Variants in MTG1 observed in about 807,000 individuals in gnomAD.
MTG1 encodes mitochondrial ribosome associated GTPase 1.
In MTG1, 30 loss-of-function variants were observed where a neutral mutation model predicts 39.5. That is an observed-to-expected ratio of 0.76 (90% CI 0.57 to 1.03). The LOEUF (loss-of-function observed/expected upper bound fraction) is 1.03. Ranked by LOEUF, MTG1 falls within the 50% of genes least tolerant of loss-of-function variation. The pLI, the probability that MTG1 is intolerant of heterozygous loss-of-function variation, is 0.00. For missense variants in MTG1, 513 were observed against 447.4 expected (o/e 1.15, Z -1.32); for synonymous variants, 217 against 179.0 (o/e 1.21, Z -1.69).
rs1052770893 is a variant in MTG1, at chr10:133,394,179, G to C, written c.-42G>C. The C allele has an allele frequency of 6.9e-7, 1 of 1,440,296 alleles. No homozygotes were observed. Among genetic ancestry groups the C allele is most frequent in the African/African-American group, 1.5e-5 (1 of 67,538 alleles). The allele number at this position is 1,440,296 out of a possible 1,614,324, so 89.2% of individuals were successfully genotyped here. A position where few individuals can be genotyped will look rare whatever the true frequency, so the allele number is the denominator to read the frequency against. ...CTCAGAGGCGGGTCGCAGCGGCGCAGAGGAGGTCAGCTGCGGGAGCGTTTC... is the reference window on the plus strand; with the variant it reads ...CTCAGAGGCGGGTCGCAGCGGCGCACAGGAGGTCAGCTGCGGGAGCGTTTC... On this transcript the variant is annotated 5_prime_UTR_variant, in exon 1 of 11. Coordinates refer to ENST00000317502, the MANE Select transcript of MTG1 (RefSeq NM_138384.4).
chr10:133,419,001 C>T (rs912267634), intron 9 of MTG1, among the ~76,000 whole-genome samples: 4 of 152,222 alleles, frequency 2.6e-5, no homozygotes, highest in East Asian at 1.9e-4. Flanking sequence ...AACACCCAGC[C>T]GGGTGGAGAG....
At chr10:133,398,327 G>A (rs1021316243) in intron 3 of MTG1, 108 bp from the exon 4 acceptor site, 2 of 1,022,664 alleles carry the variant, frequency 2.0e-6, no homozygotes, top group African/African-American at 1.6e-5. Flanking sequence ...TTGAACCAGG[G>A]AGGCGGAGGT....
intron 7 of MTG1, 51 bp downstream of exon 7, chr10:133,401,641 G>A (rs375006134): frequency 1.5e-5 from 24 of 1,577,146 alleles, no homozygotes; most frequent in Admixed American, 5.0e-5. Context: ...CTCTGCAGGC[G>A]TCTGGCACCT....
chr10:133,414,550 C>T (rs1185987139), intron 9 of MTG1, among the ~76,000 whole-genome samples: 2 of 151,362 alleles, frequency 1.3e-5, no homozygotes, highest in Non-Finnish European at 2.9e-5. Context: ...CAGAGGCGCT[C>T]CCCACATCTC....
chr10:133,416,585 G>A, intron 9 of MTG1, among the ~76,000 whole-genome samples: 1 of 124,220 alleles, frequency 8.1e-6, no homozygotes, highest in Non-Finnish European at 1.6e-5. Context: ...CCAGGTGTGT[G>A]ATGTTCCCCT....
chr10:133,398,523 T>C lies in MTG1; in HGVS notation c.363+8T>C, dbSNP rs1564818578. 6.8e-6 allele frequency: 11 copies of C among 1,612,722 alleles called. No homozygotes were observed. The highest frequency in any genetic ancestry group is 9.3e-6 in the Non-Finnish European group (11 of 1,179,608). On this transcript the variant is annotated splice_region_variant and intron_variant, in intron 4 of 10. Transcript: ENST00000317502. ...GATGAAAATGTCAAGCAGGTAGGCT[T>C]TTCGTCTGTGCTCTCTCTGACGCTT...
intron 2 of MTG1, 35 bp downstream of exon 2, chr10:133,395,812 C>T: frequency 1.2e-6 from 2 of 1,601,370 alleles, no homozygotes; most frequent in Non-Finnish European, 8.6e-7. Flanking sequence ...GCCCCTCTGC[C>T]TGAAGTCATA....
intron 9 of MTG1, among the ~76,000 whole-genome samples, chr10:133,419,236 A>G (rs867384819): frequency 1.3e-5 from 2 of 152,082 alleles, no homozygotes; most frequent in Non-Finnish European, 2.9e-5. Context: ...GCCGCCCCCC[A>G]TGCTGCTGGC....
At chr10:133,395,946 A>G (rs542582824) in intron 2 of MTG1, among the ~76,000 whole-genome samples, 169 bp downstream of exon 2, 3 of 152,324 alleles carry the variant, frequency 2.0e-5, no homozygotes, top group African/African-American at 2.4e-5. Flanking sequence ...TTCATTGTTA[A>G]TACATATATC....
chr10:133,411,116 A>G (rs1850039543), intron 9 of MTG1, among the ~76,000 whole-genome samples: 1 of 152,184 alleles, frequency 6.6e-6, no homozygotes, highest in Non-Finnish European at 1.5e-5. Flanking sequence ...TTCAGATTGA[A>G]GAACTTTTTT....
In MTG1 at chr10:133,399,205, C is replaced by T; in HGVS notation, c.399C>T (p.Ser133=). 6.2e-7 allele frequency: 1 copy of T among 1,613,998 alleles called. No individual in the cohort carries two copies. The highest frequency in any genetic ancestry group is 8.5e-7 in the Non-Finnish European group (1 of 1,180,004). ...IPMVTELIGR[S]HRYHRKENLE... ...TGGTCACTGAACTGATTGGGAGAAG[C>T]CACCGCTACCACCGAAAAGAGGTTG... The change falls in exon 5 of 11, where the codon AGC becomes AGT. Residue 133 remains serine, a synonymous_variant. Transcript: ENST00000317502.
intron 9 of MTG1, among the ~76,000 whole-genome samples, chr10:133,415,959 C>CGCGGGTGGCGGGCAG (rs1850120602): frequency 8.9e-6 from 1 of 112,654 alleles, no homozygotes; most frequent in African/African-American, 3.6e-5. Flanking sequence ...TTATCAGGCA[C>CGCGGGTGGCGGGCAG]GCGGGTGTCG....
Position 133,407,200 on chromosome 10 carries a change from C to A in MTG1, c.752+4427C>A, listed in dbSNP as rs113164333. 2.3e-3 allele frequency among the ~76,000 whole-genome samples: 357 copies of A among 152,186 alleles called. 6 individuals are homozygous for A. Among genetic ancestry groups the A allele is most frequent in the African/African-American group, 6.0e-3 (249 of 41,524 alleles). ...AGTAGCGTGCTGTTTTTGGTTACTA[C>A]GAATATTTTGAAGTCAGGTAGTGTG... On this transcript the variant is annotated intron_variant, in intron 9 of 10. Coordinates refer to ENST00000317502, the MANE Select transcript of MTG1 (RefSeq NM_138384.4).
chr10:133,394,397 C>G, intron 1 of MTG1, 65 bp downstream of exon 1: 1 of 1,372,926 alleles, frequency 7.3e-7, no homozygotes, highest in Non-Finnish European at 9.5e-7. Flanking sequence ...TCCCTCCCAC[C>G]CCGGTTTCGG....
At chr10:133,417,330 C>A (rs1850146945) in intron 9 of MTG1, among the ~76,000 whole-genome samples, 1 of 151,626 alleles carries the variant, frequency 6.6e-6, no homozygotes, top group Non-Finnish European at 1.5e-5. Flanking sequence ...ATTCAACAAC[C>A]TTCATGCTAA....
chr10:133,416,520 A>G (rs1191184278), intron 9 of MTG1, among the ~76,000 whole-genome samples: 2 of 149,578 alleles, frequency 1.3e-5, no homozygotes, highest in Admixed American at 6.6e-5. Flanking sequence ...GTCATTTAGC[A>G]TTAGGTATAT....
At chr10:133,415,538 T>C (rs1850112024) in intron 9 of MTG1, among the ~76,000 whole-genome samples, 1 of 152,174 alleles carries the variant, frequency 6.6e-6, no homozygotes, top group Non-Finnish European at 1.5e-5. Flanking sequence ...TTTGTTTGTT[T>C]TAGTGCTTGA....
At chr10:133,398,332 G>C (rs1290198750) in intron 3 of MTG1, 103 bp from the exon 4 acceptor site, 1 of 1,102,428 alleles carries the variant, frequency 9.1e-7, no homozygotes, top group African/African-American at 1.6e-5. Flanking sequence ...CCAGGGAGGC[G>C]GAGGTTGCAG....
intron 9 of MTG1, among the ~76,000 whole-genome samples, chr10:133,409,661 TTCAA>T (rs1427783347): frequency 1.3e-5 from 2 of 152,230 alleles, no homozygotes; most frequent in Non-Finnish European, 2.9e-5. Context: ...GCCTCTCACT[TTCAA>T]TCTATCAATG....
Sources: gnomAD v4.1 joint callset for allele counts (sites outside exome capture counted in the v4.1 genomes callset) on GRCh38, gnomAD v4.1.1 for gene constraint, MANE v1.5 for transcripts, NCBI Gene and HGNC (gene_info 2026-07-23, HGNC 2026-07-21) for gene names.